TTC29: variants seen among roughly 807,000 people sequenced by gnomAD.
The protein encoded by TTC29 is tetratricopeptide repeat domain 29, also known as tetratricopeptide repeat protein 29.
In TTC29, 49 loss-of-function variants were observed where a neutral mutation model predicts 58.1. That is an observed-to-expected ratio of 0.84 (90% confidence interval 0.67 to 1.07). The LOEUF (loss-of-function observed/expected upper bound fraction) is 1.07, where lower values mean the gene tolerates loss of function less well. Among genes scored for constraint, TTC29 ranks in the 50% least tolerant of loss-of-function variants. The pLI is 0.00. For missense variants in TTC29, 582 were observed against 555.6 expected (o/e 1.05, Z -0.48); for synonymous variants, 209 against 196.8 (o/e 1.06, Z -0.52).
chr4:146,859,548 C>A (rs1211481247), intron 8 of TTC29, among the ~76,000 whole-genome samples: 1 of 152,104 alleles, frequency 6.6e-6, no homozygotes, highest in Non-Finnish European at 1.5e-5. Context: ...CTCAAACCAG[C>A]GTTATCCCTA....
chr4:146,779,900 T>C (rs1180474946), intron 11 of TTC29, among the ~76,000 whole-genome samples: 4 of 152,138 alleles, frequency 2.6e-5, no homozygotes, highest in African/African-American at 9.7e-5. Flanking sequence ...ATTAACTAGT[T>C]AGCTGAAACC....
intron 11 of TTC29, among the ~76,000 whole-genome samples, chr4:146,721,072 A>C (rs1743321148): frequency 1.3e-5 from 2 of 152,182 alleles, no homozygotes; most frequent in South Asian, 4.1e-4. Context: ...CATGACCCTC[A>C]GAGAAGAAAT....
chr4:146,751,750 G>A (rs532792664), intron 11 of TTC29, among the ~76,000 whole-genome samples: 237 of 152,104 alleles, frequency 1.6e-3, no homozygotes, highest in Non-Finnish European at 2.1e-3. Context: ...TAAAAAAGAT[G>A]AAAGAGCTCA....
At chr4:146,804,273 G>A (rs1424868611) in intron 10 of TTC29, among the ~76,000 whole-genome samples, 1 of 152,064 alleles carries the variant, frequency 6.6e-6, no homozygotes, top group Non-Finnish European at 1.5e-5. Context: ...ATTCCCTCTG[G>A]TGCCTATGGG....
intron 11 of TTC29, among the ~76,000 whole-genome samples, chr4:146,786,951 C>A (rs1471433171): frequency 6.7e-6 from 1 of 149,532 alleles, no homozygotes; most frequent in African/African-American, 2.5e-5. Context: ...CCACCTCTAC[C>A]AAAAAAAAAG....
intron 11 of TTC29, among the ~76,000 whole-genome samples, chr4:146,711,886 C>T (rs757389573): frequency 4.6e-5 from 7 of 151,994 alleles, no homozygotes; most frequent in African/African-American, 7.2e-5. Flanking sequence ...CTACAATGGC[C>T]TGCTTATAAT....
chr4:146,845,635 C>T (rs1177724097), intron 8 of TTC29, among the ~76,000 whole-genome samples: 1 of 152,144 alleles, frequency 6.6e-6, no homozygotes, highest in East Asian at 1.9e-4. Flanking sequence ...GCAGAAATGT[C>T]AATATCTACA....
At chr4:146,845,817 T>TCACACA (rs112302644) in intron 8 of TTC29, among the ~76,000 whole-genome samples, 8 of 148,884 alleles carry the variant, frequency 5.4e-5, no homozygotes, top group African/African-American at 2.0e-4. Context: ...GTACACACAA[T>TCACACA]CACACACACA....
intron 7 of TTC29, among the ~76,000 whole-genome samples, chr4:146,874,405 C>T (rs371474664): frequency 2.0e-5 from 3 of 152,082 alleles, no homozygotes; most frequent in Non-Finnish European, 2.9e-5. Flanking sequence ...TACACACATG[C>T]GCATGCACAC....
intron 4 of TTC29, among the ~76,000 whole-genome samples, chr4:146,910,183 C>G (rs1428998092): frequency 2.0e-5 from 3 of 151,584 alleles, no homozygotes; most frequent in African/African-American, 4.8e-5. Flanking sequence ...TGGAAACAGC[C>G]CAGACCACCA....
chr4:146,734,680 G>GA (rs942325704), intron 11 of TTC29, among the ~76,000 whole-genome samples: 1 of 151,846 alleles, frequency 6.6e-6, no homozygotes, highest in Admixed American at 6.6e-5. Context: ...GGTGTATGGG[G>GA]AAAAAAACCA....
intron 8 of TTC29, among the ~76,000 whole-genome samples, chr4:146,852,253 A>G (rs1457532166): frequency 6.6e-6 from 1 of 152,260 alleles, no homozygotes; most frequent in African/African-American, 2.4e-5. Flanking sequence ...ACAAAATGTT[A>G]TTAATGCCAA....
At chr4:146,742,878 A>C (rs553822994) in intron 11 of TTC29, among the ~76,000 whole-genome samples, 9 of 152,166 alleles carry the variant, frequency 5.9e-5, no homozygotes, top group Admixed American at 1.3e-4. Context: ...TATATAAAAC[A>C]TTTAAAATAA....
chr4:146,757,368 C>T (rs1271095257), intron 11 of TTC29, among the ~76,000 whole-genome samples: 1 of 152,104 alleles, frequency 6.6e-6, no homozygotes, highest in Admixed American at 6.6e-5. Context: ...ATAGTCTGCA[C>T]AGAGTACTGT....
intron 5 of TTC29, among the ~76,000 whole-genome samples, chr4:146,907,307 C>T (rs1733586043): frequency 6.6e-6 from 1 of 152,088 alleles, no homozygotes; most frequent in Non-Finnish European, 1.5e-5. Context: ...TCTATGACAC[C>T]TTATGACAAG....
chr4:146,714,747 A>G (rs1742801183), intron 11 of TTC29, among the ~76,000 whole-genome samples: 1 of 152,216 alleles, frequency 6.6e-6, no homozygotes, highest in South Asian at 2.1e-4. Flanking sequence ...TCAAGGCAGA[A>G]GAAAAATGAT....
chr4:146,746,519 T>A (rs1509329), intron 11 of TTC29, among the ~76,000 whole-genome samples: 20,587 of 152,290 alleles, frequency 0.14, 1,540 homozygotes, highest in African/African-American at 0.2. Context: ...ATTTTCTGTT[T>A]AGTTTAATCC....
intron 11 of TTC29, among the ~76,000 whole-genome samples, chr4:146,752,958 A>T (rs1454423873): frequency 6.6e-6 from 1 of 152,152 alleles, no homozygotes; most frequent in African/African-American, 2.4e-5. Flanking sequence ...CTAGAAGAAA[A>T]CCTAGGCAAT....
intron 11 of TTC29, among the ~76,000 whole-genome samples, chr4:146,790,728 C>T (rs910762656): frequency 2.0e-5 from 3 of 152,176 alleles, no homozygotes; most frequent in Non-Finnish European, 4.4e-5. Flanking sequence ...GTCATGTGTG[C>T]TGTGCACACT....
Sources: allele counts gnomAD v4.1 joint callset (sites outside exome capture counted in the v4.1 genomes callset), GRCh38; gene constraint gnomAD v4.1.1; transcripts MANE v1.5; gene names NCBI Gene and HGNC (gene_info 2026-07-23, HGNC 2026-07-21).